RREB1: variants seen among roughly 807,000 people sequenced by gnomAD.
The protein encoded by RREB1 is ras responsive element binding protein 1, also known as ras-responsive element-binding protein 1.
Under a neutral mutation model 117.8 loss-of-function variants are expected in RREB1, and 27 were observed. That is an observed-to-expected ratio of 0.23 (90% CI 0.17 to 0.32). The LOEUF (loss-of-function observed/expected upper bound fraction) is 0.32, where lower values mean the gene tolerates loss of function less well. Among genes scored for constraint, RREB1 ranks in the 10% least tolerant of loss-of-function variants. The pLI, the probability that RREB1 is intolerant of heterozygous loss-of-function variation, is 1.00. For missense variants in RREB1, 2,577 were observed against 2,378.2 expected, an observed-to-expected ratio of 1.08 and a Z score of -1.74; for synonymous variants, 1,298 against 1,026.7, an observed-to-expected ratio of 1.26 and a Z score of -5.05.
chr6:7,193,103 T>C (rs1016914376), intron 6 of RREB1, among the ~76,000 whole-genome samples: 2 of 152,266 alleles, frequency 1.3e-5, no homozygotes, highest in Non-Finnish European at 2.9e-5. Context: ...AAATTTCTTA[T>C]TAATTTCTAG....
At chr6:7,151,341 C>T (rs1346066144) in intron 1 of RREB1, among the ~76,000 whole-genome samples, 1 of 152,100 alleles carries the variant, frequency 6.6e-6, no homozygotes, top group Non-Finnish European at 1.5e-5. Context: ...GATTGCTGGT[C>T]TTATCCAGGA....
intron 1 of RREB1, among the ~76,000 whole-genome samples, chr6:7,138,792 T>G (rs545292338): frequency 1.3e-5 from 2 of 152,344 alleles, no homozygotes; most frequent in East Asian, 3.9e-4. Context: ...AGATGACACT[T>G]TTTTTGTTTT....
chr6:7,134,350 G>T (rs1273445066), intron 1 of RREB1, among the ~76,000 whole-genome samples: 1 of 152,212 alleles, frequency 6.6e-6, no homozygotes. Context: ...TGAGAGGAAG[G>T]TGTTTGTTCT....
intron 6 of RREB1, among the ~76,000 whole-genome samples, chr6:7,192,549 T>C (rs985735569): frequency 6.6e-5 from 10 of 152,196 alleles, no homozygotes; most frequent in African/African-American, 2.4e-4. Flanking sequence ...CTAGGAATTT[T>C]GGATATTTCA....
rs147897366 is a variant in RREB1 at position 7,181,120 on chromosome 6, C to G, written c.-165-4C>G. The G allele has an allele frequency of 1.0e-3, 413 of 398,482 alleles. 2 individuals are homozygous for G. Among genetic ancestry groups the G allele is most frequent in the African/African-American group, 8.0e-3 (391 of 48,730 alleles). 24.7% of individuals were successfully genotyped at this position (398,482 alleles called of 1,614,324 possible). Reference sequence around the variant, plus strand: ...TTCACTTTGGGCCTTTGCTTCCCTTCCAGTGTCAACGAGTACTACCAAGAG... The same window carrying G: ...TTCACTTTGGGCCTTTGCTTCCCTTGCAGTGTCAACGAGTACTACCAAGAG... On this transcript the variant is annotated splice_region_variant and splice_polypyrimidine_tract_variant and intron_variant, in intron 2 of 12. Transcript: ENST00000379938.
chr6:7,211,779 C>G, intron 8 of RREB1, 70 bp downstream of exon 8: 1 of 1,510,554 alleles, frequency 6.6e-7, no homozygotes, highest in Non-Finnish European at 9.2e-7. Context: ...TTCTTAAGTC[C>G]CGTTACTCCA....
At position 7,122,558 on chromosome 6, in the gene RREB1, G is replaced by A. The variant is rs778155512; in HGVS notation, c.-285+14498G>A. 4.0e-4 allele frequency among the ~76,000 whole-genome samples: 61 copies of A among 152,178 alleles called. 1 individual carries two copies. Among genetic ancestry groups the A allele is most frequent in the Admixed American group, 1.4e-3 (21 of 15,276 alleles). ...TGGGATTACAGGCATGAGCCACCGC[G>A]CCTGGCCCAGCCCTGTATTTGGCCA... is the stretch of plus-strand genomic sequence containing the variant. On this transcript the variant is annotated intron_variant, in intron 1 of 12. Coordinates refer to ENST00000379938, the MANE Select transcript of RREB1 (RefSeq NM_001003699.4).
chr6:7,218,810 T>C (rs908757765), intron 8 of RREB1: 3 of 140,382 alleles, frequency 2.1e-5, no homozygotes, highest in Non-Finnish European at 3.0e-5. Flanking sequence ...CAGCTCAGAA[T>C]TGTGCAACTT....
At position 7,230,716 on chromosome 6, in the gene RREB1, G is replaced by T; in HGVS notation, c.2617G>T (p.Gly873Cys). Residue 873 changes from glycine (G) to cysteine (C), a missense_variant, in exon 10 of 13, where the codon GGC becomes TGC. Coordinates refer to ENST00000379938, the MANE Select transcript of RREB1 (RefSeq NM_001003699.4). ...ACCCCAGAACGGCTTTCTTCACAGGGGCCCCACCCAGCCTCCACCTCCCCA... is the reference window on the plus strand; with the variant it reads ...ACCCCAGAACGGCTTTCTTCACAGGTGCCCCACCCAGCCTCCACCTCCCCA... Reference protein sequence around the residue: ...LEPQNGFLHRGPTQPPPPHVS... With the variant: ...LEPQNGFLHRCPTQPPPPHVS... 1 of 1,597,084 alleles carries T rather than the reference G, an allele frequency of 6.3e-7. No homozygotes were observed. Among genetic ancestry groups the T allele is most frequent in the Non-Finnish European group, 8.5e-7 (1 of 1,170,868 alleles).
chr6:7,138,107 G>A (rs778641347), intron 1 of RREB1, among the ~76,000 whole-genome samples: 1 of 152,060 alleles, frequency 6.6e-6, no homozygotes, highest in Non-Finnish European at 1.5e-5. Flanking sequence ...TTAACTCAAG[G>A]ATGTTAAAGA....
Position 7,222,304 on chromosome 6 carries a change from C to CT in RREB1, c.708-4156dup, listed in dbSNP as rs535972439. Among the ~76,000 whole-genome samples the CT allele has an allele frequency of 4.3e-4, 65 of 152,210 alleles. No homozygotes were observed. The South Asian group carries it at 5.2e-3, about 12-fold the overall frequency. On this transcript the variant is annotated intron_variant, in intron 8 of 12. Transcript: ENST00000379938. Reference sequence around the variant, plus strand: ...TGGTCTGGGGTGATCTAGGAGTCTGCTTTTTTTAACAAGGTCATGTGGGGA... The same window carrying CT: ...TGGTCTGGGGTGATCTAGGAGTCTGCTTTTTTTTAACAAGGTCATGTGGGGA...
chr6:7,208,194 C>T (rs1490605545), intron 6 of RREB1, among the ~76,000 whole-genome samples: 1 of 152,204 alleles, frequency 6.6e-6, no homozygotes, highest in African/African-American at 2.4e-5. Context: ...CCCACCACCC[C>T]TAATTTGTTT....
chr6:7,133,786 A>C (rs1762246366), intron 1 of RREB1, among the ~76,000 whole-genome samples: 1 of 152,340 alleles, frequency 6.6e-6, no homozygotes. Context: ...GAAAAAGGAA[A>C]GTAAAATTGT....
chr6:7,197,885 C>A (rs889966326), intron 6 of RREB1, among the ~76,000 whole-genome samples: 2 of 152,192 alleles, frequency 1.3e-5, no homozygotes, highest in African/African-American at 4.8e-5. Flanking sequence ...GAAATGTGAC[C>A]TGCTCCATGA....
chr6:7,129,030 A>G (rs1762052460), intron 1 of RREB1, among the ~76,000 whole-genome samples: 1 of 152,208 alleles, frequency 6.6e-6, no homozygotes, highest in Admixed American at 6.5e-5. Context: ...TTCATCTGAA[A>G]TATCCTTAAT....
intron 1 of RREB1, among the ~76,000 whole-genome samples, chr6:7,124,922 G>C (rs1761844053): frequency 6.6e-6 from 1 of 152,166 alleles, no homozygotes; most frequent in African/African-American, 2.4e-5. Flanking sequence ...ACCTCTGGCA[G>C]ACTACCTGTC....
At chr6:7,211,977 C>T (rs1441887488) in intron 8 of RREB1, 5 of 444,126 alleles carry the variant, frequency 1.1e-5, no homozygotes, top group Non-Finnish European at 2.0e-5. Flanking sequence ...AGCCCCTGAA[C>T]ACTGGGGAGT....
chr6:7,108,872 G>A (rs1760983004), intron 1 of RREB1, among the ~76,000 whole-genome samples: 1 of 151,312 alleles, frequency 6.6e-6, no homozygotes, highest in Non-Finnish European at 1.5e-5. Flanking sequence ...CCCGGCTGGC[G>A]GTCGTGGTCA....
chr6:7,160,521 T>G (rs1763601121), intron 1 of RREB1, among the ~76,000 whole-genome samples: 1 of 151,988 alleles, frequency 6.6e-6, no homozygotes, highest in South Asian at 2.1e-4. Flanking sequence ...CACATTGACT[T>G]TTTTTTGAGA....
Sources: gnomAD v4.1 joint callset for allele counts (sites outside exome capture counted in the v4.1 genomes callset) on GRCh38, gnomAD v4.1.1 for gene constraint, MANE v1.5 for transcripts, NCBI Gene and HGNC (gene_info 2026-07-23, HGNC 2026-07-21) for gene names.